Variants in ERBB4 observed in about 807,000 individuals in gnomAD.
ERBB4 encodes receptor tyrosine-protein kinase erbB-4.
A neutral mutation model predicts 158.0 loss-of-function variants in ERBB4; 42 were observed. The observed-to-expected ratio is 0.27, with a 90% confidence interval of 0.21 to 0.34. The LOEUF is 0.34. Among genes scored for constraint, ERBB4 ranks in the 10% least tolerant of loss-of-function variants. The pLI, the probability that ERBB4 is intolerant of heterozygous loss-of-function variation, is 1.00. For synonymous variants in ERBB4, 583 were observed against 558.7 expected (o/e 1.04, Z -0.61); for missense variants, 1,333 against 1,624.1 (o/e 0.82, Z 3.08).
intron 1 of ERBB4, among the ~76,000 whole-genome samples, chr2:212,346,746 G>A (rs1273432940): frequency 6.6e-6 from 1 of 152,024 alleles, no homozygotes; most frequent in African/African-American, 2.4e-5. Flanking sequence ...CACAATATGT[G>A]TTGAAACTTT....
chr2:212,521,785 T>C (rs16848746), intron 1 of ERBB4, among the ~76,000 whole-genome samples: 2,459 of 152,036 alleles, frequency 0.016, 72 homozygotes, highest in African/African-American at 0.056. Context: ...GACTCAAACC[T>C]GCACTATTTA....
chr2:211,380,174 T>C lies in ERBB4; in HGVS notation c.*3441A>G, dbSNP rs757335798. 4 of 232,052 alleles carry C rather than the reference T, an allele frequency of 1.7e-5. No individual in the cohort carries two copies. The highest frequency in any genetic ancestry group is 3.4e-5 in the Non-Finnish European group (4 of 117,404). 14.4% of individuals were successfully genotyped at this position (232,052 alleles called of 1,614,324 possible). On this transcript the variant is annotated 3_prime_UTR_variant, in exon 28 of 28. Coordinates refer to ENST00000342788, the MANE Select transcript of ERBB4 (RefSeq NM_005235.3). Reference sequence around the variant, plus strand: ...TTTCATGCTATTTTAAGAATGTTACTGGAGAAAGGATTCTCATCCTAAGCT... The same window carrying C: ...TTTCATGCTATTTTAAGAATGTTACCGGAGAAAGGATTCTCATCCTAAGCT...
intron 20 of ERBB4, among the ~76,000 whole-genome samples, chr2:211,452,105 T>C (rs2064260795): frequency 6.6e-6 from 1 of 152,218 alleles, no homozygotes; most frequent in South Asian, 2.1e-4. Flanking sequence ...TGCACCTGAT[T>C]TGAAGATGAA....
intron 3 of ERBB4, among the ~76,000 whole-genome samples, chr2:211,903,851 CAAGAA>C (rs200071957): frequency 2.0e-5 from 3 of 151,018 alleles, no homozygotes; most frequent in Admixed American, 6.6e-5. Context: ...ACCAGATTAA[CAAGAA>C]AAGAAAAGAA....
Position 212,538,668 on chromosome 2 carries a change from G to A in ERBB4, c.-138C>T. The A allele has an allele frequency of 2.7e-6, 2 of 752,982 alleles. No homozygotes were observed. Among genetic ancestry groups the A allele is most frequent in the Non-Finnish European group, 2.1e-6 (1 of 484,906 alleles). The allele number at this position is 752,982 out of a possible 1,614,324, so 46.6% of individuals were successfully genotyped here. A position where few individuals can be genotyped will look rare whatever the true frequency, so the allele number is the denominator to read the frequency against. ...GCGGGCGCGGCGCGCGCGGTGTGGC[G>A]ACTCCCAGGGCGGGCGACCGAGTCC... On this transcript the variant is annotated 5_prime_UTR_variant, in exon 1 of 28. Coordinates refer to ENST00000342788, the MANE Select transcript of ERBB4 (RefSeq NM_005235.3).
At chr2:212,404,662 T>A (rs1325020368) in intron 1 of ERBB4, among the ~76,000 whole-genome samples, 1 of 151,978 alleles carries the variant, frequency 6.6e-6, no homozygotes, top group African/African-American at 2.4e-5. Flanking sequence ...TTAACTTTTA[T>A]TTTAGGTTCA....
chr2:212,375,235 G>T (rs1302034544), intron 1 of ERBB4, among the ~76,000 whole-genome samples: 1 of 151,984 alleles, frequency 6.6e-6, no homozygotes, highest in Non-Finnish European at 1.5e-5. Flanking sequence ...CAAAGTTTAG[G>T]TATGGTACTA....
intron 25 of ERBB4, among the ~76,000 whole-genome samples, chr2:211,399,317 C>T (rs1008113610): frequency 2.6e-5 from 4 of 152,142 alleles, no homozygotes; most frequent in Non-Finnish European, 5.9e-5. Context: ...GCCAGGGGCA[C>T]AGACATGGTG....
intron 16 of ERBB4, among the ~76,000 whole-genome samples, chr2:211,632,462 T>C (rs755220458): frequency 6.6e-6 from 1 of 152,230 alleles, no homozygotes; most frequent in Admixed American, 6.5e-5. Context: ...GAGACTAATG[T>C]CCAACATTTC....
chr2:211,788,700 A>C (rs918107476), intron 3 of ERBB4, among the ~76,000 whole-genome samples: 3 of 152,124 alleles, frequency 2.0e-5, no homozygotes, highest in Non-Finnish European at 4.4e-5. Context: ...GATAGTTTTA[A>C]GATATTTGGT....
At chr2:212,378,428 A>C (rs1389962195) in intron 1 of ERBB4, among the ~76,000 whole-genome samples, 1 of 151,862 alleles carries the variant, frequency 6.6e-6, no homozygotes, top group African/African-American at 2.4e-5. Context: ...GGAAACACTG[A>C]GATGTTTAGC....
intron 19 of ERBB4, among the ~76,000 whole-genome samples, chr2:211,604,604 C>T (rs2068916617): frequency 6.6e-6 from 1 of 152,106 alleles, no homozygotes; most frequent in South Asian, 2.1e-4. Flanking sequence ...ATCTCATCAC[C>T]AAAACGACAG....
intron 15 of ERBB4, among the ~76,000 whole-genome samples, chr2:211,659,943 T>A (rs527779915): frequency 6.6e-6 from 1 of 152,144 alleles, no homozygotes; most frequent in East Asian, 1.9e-4. Context: ...ATAACCCTCT[T>A]AGGGGAGGTA....
intron 25 of ERBB4, among the ~76,000 whole-genome samples, chr2:211,389,292 C>T (rs1040942681): frequency 1.3e-5 from 2 of 152,140 alleles, no homozygotes; most frequent in Non-Finnish European, 2.9e-5. Flanking sequence ...GCCTCGGCCT[C>T]TCAAAGTGCT....
chr2:212,401,144 C>T (rs2091191814), intron 1 of ERBB4, among the ~76,000 whole-genome samples: 1 of 152,102 alleles, frequency 6.6e-6, no homozygotes, highest in African/African-American at 2.4e-5. Flanking sequence ...TTCATTTCTG[C>T]TTTCACTAGT....
intron 1 of ERBB4, among the ~76,000 whole-genome samples, chr2:212,259,098 A>G (rs1328170897): frequency 2.6e-5 from 4 of 152,180 alleles, no homozygotes; most frequent in African/African-American, 9.6e-5. Flanking sequence ...TTTTGACAAA[A>G]TATTAGAAAA....
chr2:212,339,131 T>C (rs534187414), intron 1 of ERBB4, among the ~76,000 whole-genome samples: 2 of 152,128 alleles, frequency 1.3e-5, no homozygotes, highest in Non-Finnish European at 2.9e-5. Flanking sequence ...AAGTCCAGCA[T>C]GCATTAGCTA....
intron 2 of ERBB4, among the ~76,000 whole-genome samples, chr2:212,105,597 TG>T (rs2079201938): frequency 6.6e-6 from 1 of 152,204 alleles, no homozygotes; most frequent in South Asian, 2.1e-4. Context: ...AAAATGCATT[TG>T]TGTCGAAAAA....
intron 15 of ERBB4, among the ~76,000 whole-genome samples, chr2:211,661,285 G>C (rs1211109220): frequency 6.6e-6 from 1 of 152,098 alleles, no homozygotes; most frequent in Non-Finnish European, 1.5e-5. Context: ...CAACTAATTA[G>C]TATATGCAAT....
Sources: allele counts gnomAD v4.1 joint callset (sites outside exome capture counted in the v4.1 genomes callset), GRCh38; gene constraint gnomAD v4.1.1; transcripts MANE v1.5; gene names NCBI Gene and HGNC (gene_info 2026-07-23, HGNC 2026-07-21).